ARMC3: variants seen among roughly 807,000 people sequenced by gnomAD.
ARMC3 encodes the protein armadillo repeat containing 3.
ARMC3 carries 74 observed loss-of-function variants against 90.3 expected under a neutral mutation model. That is an observed-to-expected ratio of 0.82 (90% CI 0.68 to 0.99). The LOEUF (loss-of-function observed/expected upper bound fraction) is 0.99, where lower values mean the gene tolerates loss of function less well. Ranked by LOEUF, ARMC3 falls within the 50% of genes least tolerant of loss-of-function variation. ARMC3 has a pLI of 0.00. For synonymous variants in ARMC3, 334 were observed against 361.8 expected, an observed-to-expected ratio of 0.92 and a Z score of 0.87; for missense variants, 958 against 1,042.8, an observed-to-expected ratio of 0.92 and a Z score of 1.12.
chr10:23,011,911 A>G (rs746381597), intron 16 of ARMC3, among the ~76,000 whole-genome samples: 4 of 152,190 alleles, frequency 2.6e-5, no homozygotes, highest in Non-Finnish European at 5.9e-5. Context: ...CCACCCAGCT[A>G]TGGCCCTGGG....
Position 23,032,945 on chromosome 10 carries a change from A to G in ARMC3, c.2331A>G (p.Lys777=), listed in dbSNP as rs145824694. The part of the protein sequence containing the change: ...FSWELHISEL[K]FQLKSNVIPI... ...GGGAACTTCACATAAGTGAACTGAAATTTCAACTTAAATCCAATGTTATAC... is the reference window on the plus strand; with the variant it reads ...GGGAACTTCACATAAGTGAACTGAAGTTTCAACTTAAATCCAATGTTATAC... The change falls in exon 18 of 19, where the codon AAA becomes AAG. Residue 777 remains lysine (K), a synonymous_variant. Coordinates refer to ENST00000298032, the MANE Select transcript of ARMC3 (RefSeq NM_173081.5). The G allele has an allele frequency of 1.3e-4, 207 of 1,613,096 alleles. No homozygotes were observed. Among genetic ancestry groups the G allele is most frequent in the Non-Finnish European group, 1.7e-4 (200 of 1,179,496 alleles).
chr10:22,974,637 TTTG>T (rs1167847449), intron 8 of ARMC3, among the ~76,000 whole-genome samples: 2 of 148,698 alleles, frequency 1.3e-5, no homozygotes, highest in Non-Finnish European at 1.5e-5. Context: ...TCTGTTTTTT[TTTG>T]TTTGTTTGTT....
rs143861223 is a variant in ARMC3, at chr10:22,981,642, C to T, written c.1117C>T (p.Arg373Trp). The change falls in exon 10 of 19, where the codon CGG (arginine) becomes TGG (tryptophan). Residue 373 changes from arginine to tryptophan, a missense_variant. By Grantham distance (101) the Arg-to-Trp change is moderately radical. Coordinates refer to ENST00000298032, the MANE Select transcript of ARMC3 (RefSeq NM_173081.5). ...GCTAAAAAGTGACAATGAAGAGGTA[C>T]GGGAAGCAGCAGCTCTAGCCCTGGC... is the stretch of plus-strand genomic sequence containing the variant. ...QLLKSDNEEV[R>W]EAAALALANL... 8.1e-5 allele frequency: 130 copies of T among 1,613,970 alleles called. No homozygotes were observed. The highest frequency in any genetic ancestry group is 9.7e-5 in the Non-Finnish European group (115 of 1,180,014).
In ARMC3 at chr10:22,955,842, G is replaced by A. The variant is rs769055040; in HGVS notation, c.202G>A (p.Ala68Thr). ...TAAAACAACCCTCCTTGAACTTGGA[G>A]CTGTGGAACCTTTAACTAAGCTACT... Reference protein sequence around the residue: ...ENKTTLLELGAVEPLTKLLTH... With the variant: ...ENKTTLLELGTVEPLTKLLTH... The change falls in exon 4 of 19, where the codon GCT (alanine) becomes ACT (threonine). Residue 68 changes from alanine (A) to threonine (T), a missense_variant. Physicochemically the swap from Ala to Thr is moderately conservative, Grantham distance 58 (BLOSUM62 0). Transcript: ENST00000298032. The A allele has an allele frequency of 5.0e-6, 8 of 1,613,962 alleles. No homozygotes were observed. Among genetic ancestry groups the A allele is most frequent in the African/African-American group, 1.3e-5 (1 of 74,936 alleles).
chr10:23,024,350 T>C (rs1838626035), intron 16 of ARMC3, among the ~76,000 whole-genome samples: 1 of 151,608 alleles, frequency 6.6e-6, no homozygotes, highest in Admixed American at 6.6e-5. Flanking sequence ...AGAAAGAAAA[T>C]GGTGAAAGAA....
intron 17 of ARMC3, among the ~76,000 whole-genome samples, chr10:23,032,164 G>A (rs1838946279): frequency 6.6e-6 from 1 of 152,130 alleles, no homozygotes; most frequent in Admixed American, 6.5e-5. Context: ...CAGAGACAAA[G>A]GGTATTGCAG....
intron 18 of ARMC3, among the ~76,000 whole-genome samples, chr10:23,035,904 A>C (rs1013591465): frequency 1.3e-5 from 2 of 152,118 alleles, no homozygotes; most frequent in African/African-American, 4.8e-5. Context: ...GTCCCACTTC[A>C]CAAAGAAAAC....
intron 2 of ARMC3, among the ~76,000 whole-genome samples, chr10:22,944,456 A>G (rs1221238901): frequency 6.6e-6 from 1 of 152,066 alleles, no homozygotes; most frequent in Non-Finnish European, 1.5e-5. Context: ...CTGAAGTTCT[A>G]CCACATCCAT....
intron 17 of ARMC3, among the ~76,000 whole-genome samples, chr10:23,031,854 A>G (rs1838935142): frequency 6.6e-6 from 1 of 152,102 alleles, no homozygotes; most frequent in Non-Finnish European, 1.5e-5. Context: ...AACTGCAGTC[A>G]GTTCAACAGC....
intron 10 of ARMC3, among the ~76,000 whole-genome samples, chr10:22,982,736 T>C (rs1836249266): frequency 6.6e-6 from 1 of 152,220 alleles, no homozygotes; most frequent in African/African-American, 2.4e-5. Context: ...TCCATCTCAT[T>C]TGGTATGTTA....
At chr10:22,982,564 A>G (rs991895603) in intron 10 of ARMC3, among the ~76,000 whole-genome samples, 6 of 152,232 alleles carry the variant, frequency 3.9e-5, no homozygotes, top group African/African-American at 1.4e-4. Context: ...TAATTTTCCC[A>G]GGTACACATT....
At chr10:22,967,850 G>A (rs1016213214) in intron 7 of ARMC3, among the ~76,000 whole-genome samples, 5 of 152,224 alleles carry the variant, frequency 3.3e-5, no homozygotes, top group East Asian at 3.9e-4. Flanking sequence ...AGGTAAAACC[G>A]CAGTTTTCCA....
At chr10:23,015,966 C>T (rs1452744383) in intron 16 of ARMC3, among the ~76,000 whole-genome samples, 3 of 152,102 alleles carry the variant, frequency 2.0e-5, no homozygotes, top group Non-Finnish European at 4.4e-5. Context: ...GAACTTACAT[C>T]CTAGTGAGAA....
chr10:23,034,964 G>T (rs969966576), intron 18 of ARMC3, among the ~76,000 whole-genome samples: 2 of 152,194 alleles, frequency 1.3e-5, no homozygotes, highest in African/African-American at 4.8e-5. Context: ...CTATATGAGT[G>T]TCTCATAGGC....
rs1394896480 is a variant in ARMC3, at chr10:22,946,108, A to G, written c.49-36A>G. The G allele has an allele frequency of 5.8e-6, 8 of 1,388,798 alleles. No homozygotes were observed. The East Asian group carries it at 1.1e-4, about 20-fold the overall frequency. The allele number at this position is 1,388,798 out of a possible 1,614,324, so 86.0% of individuals were successfully genotyped here. A position where few individuals can be genotyped will look rare whatever the true frequency, so the allele number is the denominator to read the frequency against. On this transcript the variant is annotated intron_variant, in intron 2 of 18. Transcript: ENST00000298032. The stretch of plus-strand genomic sequence containing the variant: ...ATTTTTAATGTGATTTTTAAAGCTC[A>G]TATGTGAAACTGATAGTTTTCTTTC...
intron 10 of ARMC3, among the ~76,000 whole-genome samples, chr10:22,994,210 C>T (rs2131384081): frequency 6.6e-6 from 1 of 152,244 alleles, no homozygotes; most frequent in East Asian, 1.9e-4. Flanking sequence ...GGGCATTGTC[C>T]TGGGGGAAGA....
intron 10 of ARMC3, among the ~76,000 whole-genome samples, chr10:22,985,809 C>T (rs1292228668): frequency 2.0e-5 from 3 of 152,076 alleles, no homozygotes; most frequent in Non-Finnish European, 2.9e-5. Context: ...AAGTAAATTC[C>T]GCTTCCGGGA....
intron 18 of ARMC3, 25 bp from the exon 19 acceptor site, chr10:23,037,245 G>T: frequency 6.4e-7 from 1 of 1,556,732 alleles, no homozygotes; most frequent in Non-Finnish European, 8.7e-7. Context: ...ACCACCCTTG[G>T]TTGATCTCTT....
intron 7 of ARMC3, among the ~76,000 whole-genome samples, chr10:22,962,320 G>C (rs1174088907): frequency 1.3e-5 from 2 of 152,086 alleles, no homozygotes; most frequent in Admixed American, 6.5e-5. Flanking sequence ...TCTTCCTCTT[G>C]ATTTCCTGAA....
Sources: gnomAD v4.1 joint callset for allele counts (sites outside exome capture counted in the v4.1 genomes callset) on GRCh38, gnomAD v4.1.1 for gene constraint, MANE v1.5 for transcripts, NCBI Gene and HGNC (gene_info 2026-07-23, HGNC 2026-07-21) for gene names.